The following PPP4R3B variants were observed in gnomAD, a reference collection of about 807,000 sequenced individuals.
PPP4R3B encodes the protein serine/threonine-protein phosphatase 4 regulatory subunit 3B.
A neutral mutation model predicts 95.4 loss-of-function variants in PPP4R3B; 52 were observed. That is an observed-to-expected ratio of 0.54 (90% CI 0.44 to 0.69). PPP4R3B has a LOEUF of 0.69. Among genes scored for constraint, PPP4R3B ranks in the 30% least tolerant of loss-of-function variants. The pLI is 0.00. For synonymous variants in PPP4R3B, 407 were observed against 343.9 expected (o/e 1.18, Z -2.03); for missense variants, 1,003 against 1,005.9 (o/e 1.00, Z 0.04).
chr2:55,577,357 C>T lies in PPP4R3B; in HGVS notation c.1565-1G>A. ...TTTTTGTTTGATCCAACTATATTAT[C>T]TAATAAAAAAATTAAAAATTAAAAT... is the stretch of plus-strand genomic sequence containing the variant. On this transcript the variant is annotated splice_acceptor_variant, in intron 10 of 16. Transcript: ENST00000616407. LOFTEE classifies it high-confidence loss of function. 6.7e-7 allele frequency: 1 copy of T among 1,499,594 alleles called. No homozygotes were observed. Among genetic ancestry groups the T allele is most frequent in the Non-Finnish European group, 8.9e-7 (1 of 1,126,772 alleles). 92.9% of individuals were successfully genotyped at this position (1,499,594 alleles called of 1,614,324 possible).
At chr2:55,583,944 G>A (rs1689762245) in intron 7 of PPP4R3B, among the ~76,000 whole-genome samples, 1 of 152,176 alleles carries the variant, frequency 6.6e-6, no homozygotes, top group South Asian at 2.1e-4. Context: ...GGTGGCTCAT[G>A]CCTTTAATCC....
intron 1 of PPP4R3B, 75 bp from the exon 2 acceptor site, chr2:55,615,581 G>A: frequency 9.3e-7 from 1 of 1,079,626 alleles, no homozygotes; most frequent in Non-Finnish European, 1.4e-6. Flanking sequence ...ACACATTAAA[G>A]CCGGGCGCAG....
At chr2:55,566,764 T>G (rs1014244175) in intron 13 of PPP4R3B, among the ~76,000 whole-genome samples, 3 of 152,196 alleles carry the variant, frequency 2.0e-5, no homozygotes, top group African/African-American at 7.2e-5. Flanking sequence ...TCCAACACTT[T>G]GGGAGGCTGA....
Position 55,549,258 on chromosome 2 carries a change from G to C in PPP4R3B, c.*653C>G, listed in dbSNP as rs1684990228. 1.3e-5 allele frequency: 2 copies of C among 152,598 alleles called. No individual in the cohort carries two copies. Among genetic ancestry groups the C allele is most frequent in the Admixed American group, 1.3e-4 (2 of 15,278 alleles). 9.5% of individuals were successfully genotyped at this position (152,598 alleles called of 1,614,324 possible). ...CTGATTTTAACATTATCTTAAAACTGTCCAGTTTGAATTGAGCTTGTTTTC... is the reference window on the plus strand; with the variant it reads ...CTGATTTTAACATTATCTTAAAACTCTCCAGTTTGAATTGAGCTTGTTTTC... On this transcript the variant is annotated 3_prime_UTR_variant, in exon 17 of 17. Coordinates refer to ENST00000616407, the MANE Select transcript of PPP4R3B (RefSeq NM_001122964.3).
Position 55,617,403 on chromosome 2 carries a change from A to T in PPP4R3B, c.-118T>A, listed in dbSNP as rs997129264. 1 of 1,220,828 alleles carries T rather than the reference A, an allele frequency of 8.2e-7. No individual in the cohort carries two copies. The highest frequency in any genetic ancestry group is 1.1e-6 in the Non-Finnish European group (1 of 925,066). 75.6% of individuals were successfully genotyped at this position (1,220,828 alleles called of 1,614,324 possible). On this transcript the variant is annotated 5_prime_UTR_variant, in exon 1 of 17. Coordinates refer to ENST00000616407, the MANE Select transcript of PPP4R3B (RefSeq NM_001122964.3). ...GGTGGCGGCGGCGGCGGCTTCGGAG[A>T]GGCCCGAATTCACCATGGCTCCAAA... is the stretch of plus-strand genomic sequence containing the variant.
At chr2:55,579,219 G>T (rs1975485) in intron 9 of PPP4R3B, among the ~76,000 whole-genome samples, 142,033 of 152,146 alleles carry the variant, frequency 0.93, 66,871 homozygotes, top group African/African-American at 0.98. Context: ...AAAATACTAA[G>T]GAAAAAGCCT....
At chr2:55,608,710 T>C (rs921936728) in intron 2 of PPP4R3B, among the ~76,000 whole-genome samples, 3 of 152,206 alleles carry the variant, frequency 2.0e-5, no homozygotes, top group African/African-American at 4.8e-5. Flanking sequence ...CTTGGCTGGA[T>C]ATGGAGGCTC....
At chr2:55,561,556 T>C (rs72803540) in intron 15 of PPP4R3B, among the ~76,000 whole-genome samples, 72 of 152,314 alleles carry the variant, frequency 4.7e-4, no homozygotes, top group South Asian at 8.3e-4. Flanking sequence ...CCATGGGGGC[T>C]GTACCTGGCA....
intron 2 of PPP4R3B, chr2:55,614,384 T>G (rs1023938408): frequency 6.6e-6 from 1 of 152,202 alleles, no homozygotes; most frequent in African/African-American, 2.4e-5. Context: ...AACAAGTGTA[T>G]GTCATACATA....
intron 3 of PPP4R3B, among the ~76,000 whole-genome samples, chr2:55,599,410 C>T (rs1692243350): frequency 6.6e-6 from 1 of 151,604 alleles, no homozygotes; most frequent in Non-Finnish European, 1.5e-5. Context: ...TGCACTCCAG[C>T]CTGGAAGACA....
intron 13 of PPP4R3B, 70 bp downstream of exon 13, chr2:55,568,124 G>A (rs1412100762): frequency 1.8e-6 from 2 of 1,095,212 alleles, no homozygotes; most frequent in Non-Finnish European, 2.4e-6. Context: ...TTGCTTACAT[G>A]TAATTCTTTT....
At chr2:55,581,169 C>T (rs1362533806) in intron 8 of PPP4R3B, among the ~76,000 whole-genome samples, 2 of 152,162 alleles carry the variant, frequency 1.3e-5, no homozygotes, top group African/African-American at 4.8e-5. Context: ...AGGAGAATCG[C>T]TTGAACCCGA....
chr2:55,581,694 A>G lies in PPP4R3B; in HGVS notation c.1238T>C (p.Ile413Thr). The G allele has an allele frequency of 6.2e-7, 1 of 1,612,070 alleles. No individual in the cohort carries two copies. The highest frequency in any genetic ancestry group is 8.5e-7 in the Non-Finnish European group (1 of 1,179,386). ...TTCAATTACCACATTAATAAGAAGA[A>G]TATCCTGGTGGCAAAACAAAACAAA... ...MQEAQQSDDD[I>T]LLINVVIEQM... The change falls in exon 8 of 17, where the codon ATT becomes ACT. Residue 413 changes from isoleucine to threonine, a missense_variant. Around this residue, in one of 3 missense-constraint regions of PPP4R3B, gnomAD observed 695 missense variants for 686.2 expected, o/e 1.01. Transcript: ENST00000616407.
intron 12 of PPP4R3B, among the ~76,000 whole-genome samples, chr2:55,570,167 T>C (rs4672056): frequency 0.45 from 67,836 of 151,992 alleles, 16,001 homozygotes; most frequent in Non-Finnish European, 0.52. Flanking sequence ...GGAGAATCAC[T>C]TGAACCCTGG....
At chr2:55,615,176 C>A in intron 2 of PPP4R3B, 1 of 302,030 alleles carries the variant, frequency 3.3e-6, no homozygotes, top group South Asian at 4.3e-5. Flanking sequence ...GTTTCATGTA[C>A]AAGGTATAGA....
chr2:55,556,788 G>A (rs1323478303), intron 16 of PPP4R3B, among the ~76,000 whole-genome samples: 3 of 152,134 alleles, frequency 2.0e-5, no homozygotes, highest in South Asian at 2.1e-4. Context: ...AAAGTCGGCC[G>A]GGCATGGTGG....
chr2:55,597,080 C>G (rs1691888318), intron 4 of PPP4R3B, among the ~76,000 whole-genome samples: 1 of 152,078 alleles, frequency 6.6e-6, no homozygotes, highest in African/African-American at 2.4e-5. Flanking sequence ...AGTTACTGTT[C>G]AATGGGTTCA....
intron 12 of PPP4R3B, among the ~76,000 whole-genome samples, chr2:55,571,805 T>C (rs1484620980): frequency 5.3e-5 from 8 of 152,136 alleles, no homozygotes; most frequent in African/African-American, 1.9e-4. Flanking sequence ...TTTGTAGTTT[T>C]AGTAGAGACA....
chr2:55,563,681 A>C (rs972922351), intron 15 of PPP4R3B, among the ~76,000 whole-genome samples: 2 of 152,062 alleles, frequency 1.3e-5, no homozygotes, highest in African/African-American at 4.8e-5. Context: ...GCAAGGTATA[A>C]ATTTTAATTA....
Sources: gnomAD v4.1 joint callset for allele counts (sites outside exome capture counted in the v4.1 genomes callset) on GRCh38, gnomAD v4.1.1 for gene constraint, gnomAD v4.1.1 regional missense constraint, MANE v1.5 for transcripts, NCBI Gene and HGNC (gene_info 2026-07-23, HGNC 2026-07-21) for gene names.